FBXW4: variants seen among roughly 807,000 people sequenced by gnomAD.
The protein encoded by FBXW4 is F-box and WD repeat domain containing 4.
A neutral mutation model predicts 61.8 loss-of-function variants in FBXW4; 40 were observed. The observed-to-expected ratio is 0.65, with a 90% CI of 0.50 to 0.84. The LOEUF (loss-of-function observed/expected upper bound fraction) is 0.84. FBXW4 is among the 40% of genes least tolerant of loss of function. The pLI, the probability that FBXW4 is intolerant of heterozygous loss-of-function variation, is 0.00. For missense variants in FBXW4, 672 were observed against 753.8 expected, an observed-to-expected ratio of 0.89 and a Z score of 1.27; for synonymous variants, 311 against 313.8, an observed-to-expected ratio of 0.99 and a Z score of 0.10.
chr10:101,642,386 ATT>A (rs11287325), intron 5 of FBXW4, among the ~76,000 whole-genome samples: 4 of 147,204 alleles, frequency 2.7e-5, no homozygotes, highest in Middle Eastern at 3.5e-3. Flanking sequence ...CCCTATCTCT[ATT>A]TTTTTTTTTA....
At chr10:101,637,460 C>A (rs2064014064) in intron 5 of FBXW4, among the ~76,000 whole-genome samples, 1 of 148,248 alleles carries the variant, frequency 6.7e-6, no homozygotes, top group African/African-American at 2.5e-5. Context: ...GTAATCCCAG[C>A]ACTTTGGGAG....
At position 101,689,542 on chromosome 10, in the gene FBXW4, G is replaced by A. The variant is rs76086616; in HGVS notation, c.725+4839C>T. ...ATACATCCATATTCGAAATCATTCC[G>A]TGAATTACAGAACAAATAAGTGACT... is the stretch of plus-strand genomic sequence containing the variant. On this transcript the variant is annotated intron_variant, in intron 1 of 8. Transcript: ENST00000331272. Among the ~76,000 whole-genome samples the A allele has an allele frequency of 4.3e-4, 66 of 152,252 alleles. 1 individual carries two copies. The East Asian group carries it at 0.013, about 29-fold the overall frequency.
At chr10:101,688,710 C>G (rs1338022569) in intron 1 of FBXW4, among the ~76,000 whole-genome samples, 1 of 152,182 alleles carries the variant, frequency 6.6e-6, no homozygotes, top group Non-Finnish European at 1.5e-5. Flanking sequence ...TCTTTGGATT[C>G]TCAACCTTGA....
intron 5 of FBXW4, among the ~76,000 whole-genome samples, chr10:101,650,725 C>CT (rs1319638554): frequency 6.6e-6 from 1 of 152,202 alleles, no homozygotes; most frequent in African/African-American, 2.4e-5. Context: ...CCACCAGCCT[C>CT]TAGGGCCGAA....
intron 5 of FBXW4, among the ~76,000 whole-genome samples, chr10:101,653,270 A>G (rs773705714): frequency 6.6e-6 from 1 of 152,226 alleles, no homozygotes; most frequent in Non-Finnish European, 1.5e-5. Flanking sequence ...CCTGGAAAAG[A>G]ACAGCCTGTC....
chr10:101,625,058 A>T (rs2063897038), intron 5 of FBXW4: 2 of 566,700 alleles, frequency 3.5e-6, no homozygotes. Flanking sequence ...TGCTGCACAG[A>T]CTAGGTTGAG....
At chr10:101,677,133 A>G (rs1461406076) in intron 1 of FBXW4, among the ~76,000 whole-genome samples, 1 of 152,206 alleles carries the variant, frequency 6.6e-6, no homozygotes, top group Non-Finnish European at 1.5e-5. Flanking sequence ...CATTTTGGGA[A>G]AAGGTCTGGC....
intron 1 of FBXW4, among the ~76,000 whole-genome samples, chr10:101,692,008 AT>A (rs1219803084): frequency 2.0e-5 from 3 of 152,212 alleles, no homozygotes; most frequent in Non-Finnish European, 4.4e-5. Flanking sequence ...ATTTTCGGAA[AT>A]ACATAGGAGT....
intron 5 of FBXW4, among the ~76,000 whole-genome samples, chr10:101,656,266 G>A (rs915942808): frequency 6.6e-6 from 1 of 151,386 alleles, no homozygotes; most frequent in South Asian, 2.1e-4. Flanking sequence ...TCAAAGTGGT[G>A]GTCACCCCAT....
intron 5 of FBXW4, among the ~76,000 whole-genome samples, chr10:101,655,754 G>A (rs1394220636): frequency 6.6e-6 from 1 of 152,242 alleles, no homozygotes; most frequent in Non-Finnish European, 1.5e-5. Flanking sequence ...TCGTGCTCTG[G>A]ACTGGACCCT....
intron 5 of FBXW4, among the ~76,000 whole-genome samples, chr10:101,647,851 C>T (rs1049307236): frequency 9.9e-5 from 15 of 152,172 alleles, no homozygotes; most frequent in African/African-American, 3.6e-4. Flanking sequence ...TAGCTGCTGA[C>T]TTGAGGTACC....
intron 6 of FBXW4, among the ~76,000 whole-genome samples, chr10:101,613,861 C>T (rs555600628): frequency 3.9e-5 from 6 of 152,380 alleles, no homozygotes; most frequent in African/African-American, 1.4e-4. Flanking sequence ...CCAGCCTCCT[C>T]AGGGAAGTTC....
At chr10:101,622,654 G>A (rs1040110796) in intron 6 of FBXW4, among the ~76,000 whole-genome samples, 1 of 149,666 alleles carries the variant, frequency 6.7e-6, no homozygotes, top group African/African-American at 2.5e-5. Context: ...CGTGAACTCA[G>A]GAGGCAGAGC....
intron 5 of FBXW4, among the ~76,000 whole-genome samples, chr10:101,665,158 TA>T (rs975897019): frequency 3.9e-5 from 6 of 151,938 alleles, no homozygotes; most frequent in African/African-American, 1.4e-4. Context: ...AATAATGAGG[TA>T]AAAAGACCCT....
chr10:101,616,150 A>C (rs2063825358), intron 6 of FBXW4, among the ~76,000 whole-genome samples: 2 of 152,088 alleles, frequency 1.3e-5, no homozygotes, highest in Non-Finnish European at 2.9e-5. Context: ...GCTACCTTGA[A>C]ATGCAACAAT....
At chr10:101,684,285 G>A (rs563988838) in intron 1 of FBXW4, among the ~76,000 whole-genome samples, 13 of 152,278 alleles carry the variant, frequency 8.5e-5, no homozygotes, top group South Asian at 2.1e-4. Flanking sequence ...CACCATGCCC[G>A]GCTACTTTAT....
intron 2 of FBXW4, among the ~76,000 whole-genome samples, chr10:101,675,248 CGTGA>C (rs1461462391): frequency 6.6e-6 from 1 of 152,114 alleles, no homozygotes; most frequent in Non-Finnish European, 1.5e-5. Context: ...TATCCCCTTG[CGTGA>C]GTGTGTGGCA....
intron 5 of FBXW4, among the ~76,000 whole-genome samples, chr10:101,652,127 C>T (rs1425345486): frequency 2.6e-5 from 4 of 152,120 alleles, no homozygotes. Context: ...TCACTCCGCC[C>T]TCCTCACCAC....
intron 5 of FBXW4, among the ~76,000 whole-genome samples, chr10:101,649,918 T>C (rs2064132370): frequency 6.6e-6 from 1 of 152,190 alleles, no homozygotes; most frequent in African/African-American, 2.4e-5. Context: ...TGGCCATGGT[T>C]GGGGGCCTGG....
Sources: gnomAD v4.1 joint callset for allele counts (sites outside exome capture counted in the v4.1 genomes callset) on GRCh38, gnomAD v4.1.1 for gene constraint, MANE v1.5 for transcripts, NCBI Gene and HGNC (gene_info 2026-07-23, HGNC 2026-07-21) for gene names.